The following PIGB variants were observed in gnomAD, a reference collection of about 807,000 sequenced individuals.
PIGB encodes phosphatidylinositol glycan anchor biosynthesis class B.
Under a neutral mutation model 68.4 loss-of-function variants are expected in PIGB, and 58 were observed. The observed-to-expected ratio is 0.85, with a 90% confidence interval of 0.69 to 1.06. PIGB has a LOEUF of 1.06. Among genes scored for constraint, PIGB ranks in the 50% least tolerant of loss-of-function variants. The pLI is 0.00. For synonymous variants in PIGB, 219 were observed against 220.5 expected, an observed-to-expected ratio of 0.99 and a Z score of 0.06; for missense variants, 634 against 655.8, an observed-to-expected ratio of 0.97 and a Z score of 0.36.
At position 55,350,780 on chromosome 15, in the gene PIGB, A is replaced by C. The variant is rs1275099397; in HGVS notation, c.1205A>C (p.Tyr402Ser). 1 of 1,613,342 alleles carries C rather than the reference A, an allele frequency of 6.2e-7. No individual in the cohort carries two copies. Among genetic ancestry groups the C allele is most frequent in the Admixed American group, 1.7e-5 (1 of 60,012 alleles). ...TTATCAAATTTGTTCCTCGCCCTTT[A>C]TACTGGTTTAGTTCATCAACGAGGT... is the stretch of plus-strand genomic sequence containing the variant. Reference protein sequence around the residue: ...LFLSNLFLALYTGLVHQRGTL... With the variant: ...LFLSNLFLALSTGLVHQRGTL... The change falls in exon 10 of 12, where the codon TAT becomes TCT. Residue 402 changes from tyrosine to serine, a missense_variant. Physicochemically the swap from Tyr to Ser is moderately radical, Grantham distance 144. Coordinates refer to ENST00000164305, the MANE Select transcript of PIGB (RefSeq NM_004855.5).
intron 6 of PIGB, among the ~76,000 whole-genome samples, chr15:55,336,711 G>A (rs190349549): frequency 1.2e-3 from 189 of 152,318 alleles, no homozygotes; most frequent in African/African-American, 4.4e-3. Context: ...CTAGTGGTTG[G>A]GCACGATGGC....
At chr15:55,341,617 C>A in intron 8 of PIGB, 121 bp from the exon 9 acceptor site, 1 of 338,598 alleles carries the variant, frequency 3.0e-6, no homozygotes, top group Non-Finnish European at 5.1e-6. Context: ...GAAATTCAGT[C>A]TGAATACTTA....
chr15:55,340,855 T>C (rs766534134), intron 8 of PIGB, 32 bp downstream of exon 8: 15 of 1,330,592 alleles, frequency 1.1e-5, no homozygotes, highest in East Asian at 2.4e-5. Context: ...AGGCTAAAAT[T>C]TTTTATGTTA....
At chr15:55,339,580 T>C (rs920275893) in intron 7 of PIGB, among the ~76,000 whole-genome samples, 1 of 152,264 alleles carries the variant, frequency 6.6e-6, no homozygotes, top group Non-Finnish European at 1.5e-5. Flanking sequence ...TCTGTCATTA[T>C]TGTCAGCTTT....
intron 9 of PIGB, among the ~76,000 whole-genome samples, chr15:55,345,421 A>G (rs968887690): frequency 2.6e-5 from 4 of 152,152 alleles, no homozygotes; most frequent in Admixed American, 2.0e-4. Context: ...AATTCTATCG[A>G]AGATGGAAAG....
intron 6 of PIGB, among the ~76,000 whole-genome samples, chr15:55,337,911 A>G (rs2055573738): frequency 6.6e-6 from 1 of 152,252 alleles, no homozygotes; most frequent in Non-Finnish European, 1.5e-5. Flanking sequence ...GAATTTAGAC[A>G]TGAGTACATA....
intron 5 of PIGB, among the ~76,000 whole-genome samples, chr15:55,331,044 C>G (rs7183624): frequency 1.2e-3 from 182 of 152,260 alleles, no homozygotes; most frequent in African/African-American, 4.3e-3. Context: ...GGGGAATGGA[C>G]TGTTTTGTTG....
intron 9 of PIGB, among the ~76,000 whole-genome samples, chr15:55,345,889 GTTC>G (rs2055782608): frequency 6.6e-6 from 1 of 152,000 alleles, no homozygotes; most frequent in Admixed American, 6.6e-5. Context: ...ACCTTTTGTT[GTTC>G]TTATCTAAAC....
chr15:55,340,424 C>G lies in PIGB; in HGVS notation c.847-188C>G, dbSNP rs575487088. The G allele has an allele frequency of 2.0e-4, 68 of 335,868 alleles. 1 individual carries two copies. The South Asian group carries it at 2.4e-3, about 12-fold the overall frequency. 20.8% of individuals were successfully genotyped at this position (335,868 alleles called of 1,614,324 possible). ...TGAGCCGAGATCGCGCCACTGCACTCCAGCCTGGGCGACAGAGCAAGACTC... is the reference window on the plus strand; with the variant it reads ...TGAGCCGAGATCGCGCCACTGCACTGCAGCCTGGGCGACAGAGCAAGACTC... On this transcript the variant is annotated intron_variant, in intron 7 of 11. Transcript: ENST00000164305.
intron 9 of PIGB, among the ~76,000 whole-genome samples, chr15:55,344,777 G>C (rs1477670442): frequency 6.6e-6 from 1 of 151,996 alleles, no homozygotes; most frequent in Non-Finnish European, 1.5e-5. Context: ...TGTGCTGACA[G>C]AGTTCAGCAC....
At position 55,340,854 on chromosome 15, in the gene PIGB, T is replaced by C. The variant is rs763274574; in HGVS notation, c.1058+31T>C. ...ATTTTATTTGTTCAAAAGGCTAAAATTTTTTATGTTACCAAGAAATCAAAT... is the reference window on the plus strand; with the variant it reads ...ATTTTATTTGTTCAAAAGGCTAAAACTTTTTATGTTACCAAGAAATCAAAT... On this transcript the variant is annotated intron_variant, in intron 8 of 11. Transcript: ENST00000164305. The C allele has an allele frequency of 4.5e-6, 6 of 1,322,216 alleles. No homozygotes were observed. The South Asian group carries it at 8.2e-5, about 18-fold the overall frequency. The allele number at this position is 1,322,216 out of a possible 1,614,324, so 81.9% of individuals were successfully genotyped here.
chr15:55,353,998 T>TAAAAATAAAAAAAAAAAA (rs112479438), intron 10 of PIGB, among the ~76,000 whole-genome samples: 447 of 111,920 alleles, frequency 4.0e-3, no homozygotes, highest in African/African-American at 0.018. Context: ...TCATCTTAAA[T>TAAAAATAAAAAAAAAAAA]AAAAAAAAAA....
Position 55,321,286 on chromosome 15 carries a change from A to G in PIGB, c.313A>G (p.Thr105Ala). 1 of 1,601,652 alleles carries G rather than the reference A, an allele frequency of 6.2e-7. No homozygotes were observed. The highest frequency in any genetic ancestry group is 8.5e-7 in the Non-Finnish European group (1 of 1,172,904). The change falls in exon 3 of 12, where the codon ACT becomes GCT. Residue 105 changes from threonine to alanine, a missense_variant. Transcript: ENST00000164305. ...TAATGTTACTAATTATGGTTATTTG[A>G]CTTGGGAATGGACAGAGAGACTGAG... The part of the protein sequence containing the change: ...HHMVFNYGYL[T>A]WEWTERLRSY...
intron 9 of PIGB, chr15:55,349,822 G>A (rs1018101407): frequency 6.6e-6 from 1 of 152,178 alleles, no homozygotes; most frequent in Non-Finnish European, 1.5e-5. Flanking sequence ...TAAAAAGAGT[G>A]TATGTAAATT....
At chr15:55,343,387 A>G (rs1007865441) in intron 9 of PIGB, 2 of 152,154 alleles carry the variant, frequency 1.3e-5, no homozygotes, top group African/African-American at 4.8e-5. Flanking sequence ...CAGCCACTTG[A>G]GTGTGTATTA....
At chr15:55,323,818 T>C (rs1486796675) in intron 3 of PIGB, among the ~76,000 whole-genome samples, 1 of 152,134 alleles carries the variant, frequency 6.6e-6, no homozygotes, top group Non-Finnish European at 1.5e-5. Context: ...TGGCCTGTGA[T>C]GGCATGGAAC....
intron 9 of PIGB, chr15:55,343,498 T>TA (rs1406276104): frequency 1.1e-4 from 17 of 152,378 alleles, no homozygotes; most frequent in Non-Finnish European, 8.8e-5. Flanking sequence ...TCTGTTTTCA[T>TA]AAACCAGATT....
rs1251200323 is a variant in PIGB, at chr15:55,354,831, C to T, written c.1371C>T (p.Leu457=). 1 of 1,612,806 alleles carries T rather than the reference C, an allele frequency of 6.2e-7. No homozygotes were observed. The highest frequency in any genetic ancestry group is 1.7e-4 in the Middle Eastern group (1 of 6,060). The change falls in exon 11 of 12, where the codon CTC becomes CTT. Residue 457 remains leucine, a synonymous_variant. Coordinates refer to ENST00000164305, the MANE Select transcript of PIGB (RefSeq NM_004855.5). ...HVHCPLPMRF[L]QCPPDLTGKS... ...ACTGCCCACTTCCCATGAGATTTCT[C>T]CAGTGCCCGCCAGACCTGACTGGAA...
intron 5 of PIGB, among the ~76,000 whole-genome samples, chr15:55,332,770 G>A (rs574197208): frequency 1.2e-4 from 18 of 152,160 alleles, no homozygotes; most frequent in African/African-American, 3.4e-4. Context: ...ACAGGACTAA[G>A]TATTTTTCCA....
Sources: gnomAD v4.1 joint callset for allele counts (sites outside exome capture counted in the v4.1 genomes callset) on GRCh38, gnomAD v4.1.1 for gene constraint, MANE v1.5 for transcripts, NCBI Gene and HGNC (gene_info 2026-07-23, HGNC 2026-07-21) for gene names.